Variants in STYX observed in about 807,000 individuals in gnomAD.
The protein encoded by STYX is serine/threonine/tyrosine interacting protein.
In STYX, 20 loss-of-function variants were observed where a neutral mutation model predicts 42.7. The observed-to-expected ratio is 0.47, with a 90% CI of 0.33 to 0.68. STYX has a LOEUF of 0.68. Among genes scored for constraint, STYX ranks in the 30% least tolerant of loss-of-function variants. The pLI is 0.02. For synonymous variants in STYX, 78 were observed against 81.9 expected, an observed-to-expected ratio of 0.95 and a Z score of 0.26; for missense variants, 226 against 268.5, an observed-to-expected ratio of 0.84 and a Z score of 1.11.
At chr14:52,748,915 CA>C (rs1881497911) in intron 3 of STYX, among the ~76,000 whole-genome samples, 1 of 152,220 alleles carries the variant, frequency 6.6e-6, no homozygotes, top group South Asian at 2.1e-4. Context: ...TTCCCTAACT[CA>C]AGTTATACTC....
intron 4 of STYX, among the ~76,000 whole-genome samples, chr14:52,755,489 CTG>C (rs558126006): frequency 1.4e-4 from 22 of 152,210 alleles, no homozygotes; most frequent in African/African-American, 4.3e-4. Flanking sequence ...CATTGAAAAA[CTG>C]TATTTTTTAG....
chr14:52,762,019 T>C (rs1341036094), intron 9 of STYX, among the ~76,000 whole-genome samples: 1 of 151,380 alleles, frequency 6.6e-6, no homozygotes, highest in Non-Finnish European at 1.5e-5. Context: ...CACTCCAGCC[T>C]GCGGAACAAG....
intron 4 of STYX, 38 bp from the exon 5 acceptor site, chr14:52,756,513 A>G: frequency 8.3e-7 from 1 of 1,211,816 alleles, no homozygotes; most frequent in Non-Finnish European, 1.2e-6. Flanking sequence ...TAAGTGTTTT[A>G]CTTAAAGTGT....
intron 1 of STYX, among the ~76,000 whole-genome samples, chr14:52,736,629 A>G (rs141476888): frequency 1.9e-4 from 29 of 152,288 alleles, no homozygotes; most frequent in African/African-American, 6.5e-4. Context: ...TTTAACATAC[A>G]TGGCTGAGGA....
intron 1 of STYX, among the ~76,000 whole-genome samples, chr14:52,736,510 T>C (rs1880957080): frequency 6.6e-6 from 1 of 152,222 alleles, no homozygotes; most frequent in Admixed American, 6.5e-5. Flanking sequence ...TTATCTTCTC[T>C]TCTGACAGAA....
chr14:52,745,246 G>A (rs1462687494), intron 2 of STYX, among the ~76,000 whole-genome samples: 7 of 151,548 alleles, frequency 4.6e-5, no homozygotes, highest in Admixed American at 3.3e-4. Context: ...TCAGCCTCCC[G>A]AGTAGCTGGG....
chr14:52,746,413 T>A lies in STYX; in HGVS notation c.91-13T>A, dbSNP rs765055090. ...TTGCTGATGGTAAATACCTCAAATT[T>A]TTTTTTTTCTAGGAAATTTTACCTG... On this transcript the variant is annotated splice_polypyrimidine_tract_variant and intron_variant, in intron 2 of 10. Coordinates refer to ENST00000354586, the MANE Select transcript of STYX (RefSeq NM_145251.4). 1.5e-5 allele frequency: 23 copies of A among 1,556,632 alleles called. No individual in the cohort carries two copies. The highest frequency in any genetic ancestry group is 1.8e-5 in the Non-Finnish European group (21 of 1,160,230).
In STYX at chr14:52,773,342, T is replaced by TAG. The variant is rs796353415; in HGVS notation, c.*2236_*2237insAG. The stretch of plus-strand genomic sequence containing the variant: ...ATATATATATATATAGATAGATAGA[T>TAG]TTTTTTTTTTTTTTGAGACAGAGTC... On this transcript the variant is annotated 3_prime_UTR_variant, in exon 11 of 11. Transcript: ENST00000354586. 1 of 75,946 alleles carries TAG rather than the reference T, an allele frequency of 1.3e-5. No homozygotes were observed. The highest frequency in any genetic ancestry group is 5.7e-5 in the African/African-American group (1 of 17,532). 4.7% of individuals were successfully genotyped at this position (75,946 alleles called of 1,614,324 possible).
At chr14:52,761,994 G>T (rs992226408) in intron 9 of STYX, among the ~76,000 whole-genome samples, 1 of 151,426 alleles carries the variant, frequency 6.6e-6, no homozygotes, top group Non-Finnish European at 1.5e-5. Flanking sequence ...GCAGTGAGCC[G>T]AGATGGCATC....
intron 4 of STYX, among the ~76,000 whole-genome samples, chr14:52,752,887 T>G (rs1432109966): frequency 1.4e-5 from 2 of 144,008 alleles, no homozygotes; most frequent in East Asian, 2.0e-4. Flanking sequence ...TTGTTGTTTT[T>G]TTTTTTTTTT....
At chr14:52,731,034 G>C (rs964461314) in intron 1 of STYX, among the ~76,000 whole-genome samples, 3 of 152,208 alleles carry the variant, frequency 2.0e-5, no homozygotes, top group East Asian at 1.9e-4. Flanking sequence ...CTCAAAGCTA[G>C]CTCATCTTAA....
chr14:52,745,216 G>A (rs138115396), intron 2 of STYX, among the ~76,000 whole-genome samples: 218 of 151,964 alleles, frequency 1.4e-3, no homozygotes, highest in African/African-American at 4.8e-3. Flanking sequence ...CACCTCCCGG[G>A]TTCAAGTGAT....
rs779137716 is a variant in STYX, at chr14:52,730,466, G to T, written c.-9G>T. 6.2e-7 allele frequency: 1 copy of T among 1,613,408 alleles called. No homozygotes were observed. Among genetic ancestry groups the T allele is most frequent in the Non-Finnish European group, 8.5e-7 (1 of 1,179,750 alleles). ...TCCCACCCCACCCACCAGCCCGCGG[G>T]CCAGCACCATGGAGGACGTGAAGCT... On this transcript the variant is annotated 5_prime_UTR_variant, in exon 1 of 11. Transcript: ENST00000354586.
chr14:52,754,551 A>G (rs761597878), intron 4 of STYX, among the ~76,000 whole-genome samples: 4 of 152,196 alleles, frequency 2.6e-5, no homozygotes, highest in Non-Finnish European at 5.9e-5. Context: ...CGGAAGGTAT[A>G]GAATGACACC....
intron 4 of STYX, among the ~76,000 whole-genome samples, chr14:52,752,609 A>G (rs1881665345): frequency 6.6e-6 from 1 of 152,190 alleles, no homozygotes; most frequent in Non-Finnish European, 1.5e-5. Context: ...AGAATGAAAT[A>G]TATGTATGTG....
At chr14:52,755,283 T>C (rs1421978923) in intron 4 of STYX, among the ~76,000 whole-genome samples, 1 of 151,968 alleles carries the variant, frequency 6.6e-6, no homozygotes, top group East Asian at 1.9e-4. Flanking sequence ...CCACCATGCC[T>C]GGCTAATTTT....
intron 1 of STYX, among the ~76,000 whole-genome samples, chr14:52,733,672 C>T (rs1434905014): frequency 6.6e-6 from 1 of 152,086 alleles, no homozygotes; most frequent in African/African-American, 2.4e-5. Context: ...GATCAGTGAA[C>T]AGCCAGTAGG....
At chr14:52,753,120 G>A (rs1041703034) in intron 4 of STYX, among the ~76,000 whole-genome samples, 2 of 146,446 alleles carry the variant, frequency 1.4e-5, no homozygotes, top group African/African-American at 2.5e-5. Context: ...GCATGATCTC[G>A]GCTCACTGCA....
chr14:52,736,910 A>T (rs373399397), intron 1 of STYX, among the ~76,000 whole-genome samples: 16 of 152,318 alleles, frequency 1.1e-4, no homozygotes, highest in African/African-American at 3.8e-4. Flanking sequence ...TGATTTAAGC[A>T]AAGCTCAAGC....
Sources: allele counts gnomAD v4.1 joint callset (sites outside exome capture counted in the v4.1 genomes callset), GRCh38; gene constraint gnomAD v4.1.1; transcripts MANE v1.5; gene names NCBI Gene and HGNC (gene_info 2026-07-23, HGNC 2026-07-21).